Variants in UBAC2 observed in about 807,000 individuals in gnomAD.
UBAC2 encodes the protein UBA domain containing 2.
Under a neutral mutation model 44.0 loss-of-function variants are expected in UBAC2, and 26 were observed. The ratio of observed to expected loss-of-function variants is 0.59; its 90% CI spans 0.43 to 0.82. The LOEUF (loss-of-function observed/expected upper bound fraction) is 0.82, where lower values mean the gene tolerates loss of function less well. Among genes scored for constraint, UBAC2 ranks in the 40% least tolerant of loss-of-function variants. The probability of loss-of-function intolerance (pLI) is 0.00; values close to 1 mark genes in which losing one functional copy is unlikely to be tolerated. For missense variants in UBAC2, 329 were observed against 419.4 expected, an observed-to-expected ratio of 0.78 and a Z score of 1.88; for synonymous variants, 155 against 154.3, an observed-to-expected ratio of 1.00 and a Z score of -0.04.
rs1424655392 is a variant in UBAC2, at chr13:99,242,871, C to T, written c.160-961C>T. Reference sequence around the variant, plus strand: ...GCAGAGACGCTCCTCACCTCCCAGACGGGGCGGCGGGGCAGAGGTGCTCCC... The same window carrying T: ...GCAGAGACGCTCCTCACCTCCCAGATGGGGCGGCGGGGCAGAGGTGCTCCC... On this transcript the variant is annotated intron_variant, in intron 2 of 8. Transcript: ENST00000403766. Among the ~76,000 whole-genome samples, 78 of 143,564 alleles carry T rather than the reference C, an allele frequency of 5.4e-4. 1 individual carries two copies. Among genetic ancestry groups the T allele is most frequent in the African/African-American group, 1.3e-3 (49 of 38,288 alleles). 94.2% of individuals were successfully genotyped at this position (143,564 alleles called of 152,430 possible).
At chr13:99,302,685 A>G (rs933116588) in intron 4 of UBAC2, among the ~76,000 whole-genome samples, 9 of 152,178 alleles carry the variant, frequency 5.9e-5, no homozygotes, top group Admixed American at 3.9e-4. Context: ...GACAGTGGGA[A>G]ACATGCATTC....
intron 4 of UBAC2, among the ~76,000 whole-genome samples, chr13:99,266,849 C>T (rs1051598993): frequency 1.3e-5 from 2 of 152,182 alleles, no homozygotes; most frequent in Non-Finnish European, 2.9e-5. Context: ...TCTCTTCAGT[C>T]CCTACTTTCA....
At chr13:99,362,201 A>C (rs1037876270) in intron 7 of UBAC2, among the ~76,000 whole-genome samples, 1 of 152,204 alleles carries the variant, frequency 6.6e-6, no homozygotes, top group African/African-American at 2.4e-5. Flanking sequence ...AGATTTACCC[A>C]TGTAAATCTA....
intron 5 of UBAC2, 39 bp downstream of exon 5, chr13:99,314,259 G>C: frequency 1.0e-4 from 111 of 1,062,446 alleles, no homozygotes; most frequent in Non-Finnish European, 1.2e-4. Flanking sequence ...TCTTTAACCA[G>C]ATCTTTTTTT....
At chr13:99,215,236 C>T (rs1454871171) in intron 1 of UBAC2, 2 of 641,060 alleles carry the variant, frequency 3.1e-6, no homozygotes, top group Non-Finnish European at 5.7e-6. Flanking sequence ...GCTAATTAAA[C>T]TTCCAACTTG....
chr13:99,268,075 A>G (rs1261874634), intron 4 of UBAC2, among the ~76,000 whole-genome samples: 1 of 152,196 alleles, frequency 6.6e-6, no homozygotes, highest in African/African-American at 2.4e-5. Context: ...GCCTTTCCCC[A>G]GGTGCCTTCA....
intron 7 of UBAC2, among the ~76,000 whole-genome samples, chr13:99,348,773 G>A (rs1388262091): frequency 1.3e-5 from 2 of 152,202 alleles, no homozygotes; most frequent in Non-Finnish European, 2.9e-5. Context: ...CGCTTTGGGA[G>A]GCCAAGGCAG....
intron 8 of UBAC2, among the ~76,000 whole-genome samples, chr13:99,375,228 G>A (rs754688558): frequency 1.3e-5 from 2 of 152,094 alleles, no homozygotes; most frequent in African/African-American, 4.8e-5. Flanking sequence ...AGCCCAGAAC[G>A]CTGGCAGGGT....
chr13:99,313,714 A>G (rs1014258929), intron 4 of UBAC2, among the ~76,000 whole-genome samples: 3 of 152,276 alleles, frequency 2.0e-5, no homozygotes, highest in Admixed American at 1.3e-4. Context: ...ATCACTGGAC[A>G]GGGCTTGAGA....
intron 6 of UBAC2, among the ~76,000 whole-genome samples, chr13:99,333,308 A>G (rs1404191918): frequency 1.3e-5 from 2 of 152,238 alleles, no homozygotes; most frequent in Non-Finnish European, 2.9e-5. Context: ...ATTGTGCAGT[A>G]GCACTTTATT....
intron 1 of UBAC2, among the ~76,000 whole-genome samples, chr13:99,214,568 T>C (rs2042970262): frequency 6.6e-6 from 1 of 152,176 alleles, no homozygotes. Flanking sequence ...CATTGCTTTC[T>C]GTGGCTTTTA....
chr13:99,350,693 G>A (rs1479279840), intron 7 of UBAC2, among the ~76,000 whole-genome samples: 1 of 152,222 alleles, frequency 6.6e-6, no homozygotes, highest in East Asian at 1.9e-4. Flanking sequence ...CCTGAGTTCT[G>A]TGAGCCATCC....
chr13:99,346,582 C>A (rs966464011), intron 7 of UBAC2, among the ~76,000 whole-genome samples: 9 of 152,216 alleles, frequency 5.9e-5, no homozygotes, highest in Admixed American at 5.2e-4. Context: ...TTCCTCTCTG[C>A]CCAGAATGAA....
chr13:99,339,188 A>G (rs559574213), intron 6 of UBAC2, among the ~76,000 whole-genome samples: 1 of 152,174 alleles, frequency 6.6e-6, no homozygotes, highest in Non-Finnish European at 1.5e-5. Flanking sequence ...GCTGCGCAGC[A>G]TCTGCTGCTT....
intron 1 of UBAC2, among the ~76,000 whole-genome samples, chr13:99,234,599 G>A (rs1433700419): frequency 1.3e-5 from 2 of 152,214 alleles, no homozygotes; most frequent in Non-Finnish European, 2.9e-5. Context: ...TGTGTCCAAT[G>A]ACAAGCATCA....
chr13:99,356,885 T>C (rs1401029540), intron 7 of UBAC2, among the ~76,000 whole-genome samples: 4 of 152,024 alleles, frequency 2.6e-5, no homozygotes, highest in African/African-American at 4.8e-5. Flanking sequence ...TGCCAGTTTG[T>C]GTGTGGTTCT....
At chr13:99,356,525 A>T (rs1052371109) in intron 7 of UBAC2, among the ~76,000 whole-genome samples, 2 of 152,236 alleles carry the variant, frequency 1.3e-5, no homozygotes, top group Non-Finnish European at 2.9e-5. Context: ...TATCTCATCC[A>T]TCAACACTGG....
intron 4 of UBAC2, among the ~76,000 whole-genome samples, chr13:99,263,865 A>C (rs2043704155): frequency 6.6e-6 from 1 of 152,236 alleles, no homozygotes; most frequent in Non-Finnish European, 1.5e-5. Flanking sequence ...ATCTAGTGTT[A>C]AGTTGAAAAA....
chr13:99,377,936 C>T (rs556807089), intron 8 of UBAC2, among the ~76,000 whole-genome samples: 12 of 152,336 alleles, frequency 7.9e-5, no homozygotes, highest in African/African-American at 2.4e-4. Flanking sequence ...TGCCACCCTG[C>T]GCTGGAGTCA....
Sources: allele counts gnomAD v4.1 joint callset (sites outside exome capture counted in the v4.1 genomes callset), GRCh38; gene constraint gnomAD v4.1.1; transcripts MANE v1.5; gene names NCBI Gene and HGNC (gene_info 2026-07-23, HGNC 2026-07-21).